Variants in GOLIM4 observed in about 807,000 individuals in gnomAD.
The protein encoded by GOLIM4 is golgi integral membrane protein 4.
Under a neutral mutation model 107.4 loss-of-function variants are expected in GOLIM4, and 71 were observed. That is an observed-to-expected ratio of 0.66 (90% confidence interval 0.55 to 0.81). GOLIM4 has a LOEUF of 0.81. Among genes scored for constraint, GOLIM4 ranks in the 30% least tolerant of loss-of-function variants. GOLIM4 has a pLI of 0.00. For missense variants in GOLIM4, 830 were observed against 826.1 expected (o/e 1.00, Z -0.06); for synonymous variants, 327 against 294.8 (o/e 1.11, Z -1.12).
At chr3:168,032,297 A>T (rs999722354) in intron 9 of GOLIM4, among the ~76,000 whole-genome samples, 1 of 152,224 alleles carries the variant, frequency 6.6e-6, no homozygotes, top group African/African-American at 2.4e-5. Flanking sequence ...AGAAGAATGC[A>T]CACATACAAC....
At position 168,095,709 on chromosome 3, in the gene GOLIM4, C is replaced by G. The variant is rs1321300305; in HGVS notation, c.-424G>C. On this transcript the variant is annotated 5_prime_UTR_variant, in exon 1 of 16. Coordinates refer to ENST00000470487, the MANE Select transcript of GOLIM4 (RefSeq NM_014498.5). ...TATCGCGGCGGCTCCCACTGCACGACTTTGTTGCCACCTAAGGGAGGGGGT... is the reference window on the plus strand; with the variant it reads ...TATCGCGGCGGCTCCCACTGCACGAGTTTGTTGCCACCTAAGGGAGGGGGT... 1.1e-5 allele frequency: 2 copies of G among 176,784 alleles called. No individual in the cohort carries two copies. Among genetic ancestry groups the G allele is most frequent in the African/African-American group, 4.8e-5 (2 of 41,654 alleles). The allele number at this position is 176,784 out of a possible 1,614,324, so 11.0% of individuals were successfully genotyped here. A position where few individuals can be genotyped will look rare whatever the true frequency, so the allele number is the denominator to read the frequency against.
intron 1 of GOLIM4, among the ~76,000 whole-genome samples, chr3:168,050,425 A>G (rs1719551261): frequency 6.6e-6 from 1 of 152,214 alleles, no homozygotes; most frequent in Non-Finnish European, 1.5e-5. Flanking sequence ...AGCCCTATAG[A>G]ACATCACGAA....
chr3:168,073,016 A>G (rs73878629), intron 1 of GOLIM4, among the ~76,000 whole-genome samples: 1 of 152,232 alleles, frequency 6.6e-6, no homozygotes, highest in Non-Finnish European at 1.5e-5. Flanking sequence ...CAGGCTTCCT[A>G]ATTTTTTTGT....
chr3:168,017,116 T>C (rs956745534), intron 14 of GOLIM4, among the ~76,000 whole-genome samples: 20 of 152,216 alleles, frequency 1.3e-4, no homozygotes, highest in African/African-American at 4.8e-4. Context: ...GTAGGACTTT[T>C]CTGTTTGAAT....
chr3:168,059,038 G>C (rs1221957741), intron 1 of GOLIM4, among the ~76,000 whole-genome samples: 2 of 152,116 alleles, frequency 1.3e-5, no homozygotes, highest in African/African-American at 2.4e-5. Context: ...GCAAACATGT[G>C]TAAGAATGCC....
rs573007256 is a variant in GOLIM4, at chr3:168,061,876, G to A, written c.188-13511C>T. On this transcript the variant is annotated intron_variant, in intron 1 of 15. Transcript: ENST00000470487. Reference sequence around the variant, plus strand: ...CCAGTGATGTTCTGATTCTCATGCTGGTGGTGTTCTGATTCTTGGTCTGAG... The same window carrying A: ...CCAGTGATGTTCTGATTCTCATGCTAGTGGTGTTCTGATTCTTGGTCTGAG... Among the ~76,000 whole-genome samples the A allele has an allele frequency of 2.0e-5, 3 of 152,230 alleles. No homozygotes were observed. In the South Asian group the frequency reaches 6.2e-4, roughly 32 times the overall value.
chr3:168,013,709 C>G (rs1249224568), intron 14 of GOLIM4, among the ~76,000 whole-genome samples: 1 of 151,736 alleles, frequency 6.6e-6, no homozygotes, highest in Admixed American at 6.6e-5. Context: ...ACAGTGCAAT[C>G]AAACTAGAAC....
At chr3:168,031,358 T>A (rs1718328008) in intron 9 of GOLIM4, among the ~76,000 whole-genome samples, 1 of 152,174 alleles carries the variant, frequency 6.6e-6, no homozygotes, top group African/African-American at 2.4e-5. Flanking sequence ...AAGAGATAAA[T>A]GTTTGATGTG....
chr3:168,057,891 T>C (rs1185996592), intron 1 of GOLIM4, among the ~76,000 whole-genome samples: 1 of 152,166 alleles, frequency 6.6e-6, no homozygotes, highest in Non-Finnish European at 1.5e-5. Flanking sequence ...AGAGATTTCA[T>C]TCTCTTCCAC....
chr3:168,031,864 C>T (rs1320771783), intron 9 of GOLIM4, among the ~76,000 whole-genome samples: 1 of 152,114 alleles, frequency 6.6e-6, no homozygotes, highest in Non-Finnish European at 1.5e-5. Flanking sequence ...CATCTAGCTG[C>T]ACTAACTGTT....
chr3:168,058,674 G>C (rs1560095759), intron 1 of GOLIM4, among the ~76,000 whole-genome samples: 1 of 152,160 alleles, frequency 6.6e-6, no homozygotes, highest in Non-Finnish European at 1.5e-5. Flanking sequence ...ATGACATAAT[G>C]AACTGCTGAG....
At chr3:168,080,874 T>A (rs1721328058) in intron 1 of GOLIM4, among the ~76,000 whole-genome samples, 1 of 152,232 alleles carries the variant, frequency 6.6e-6, no homozygotes. Context: ...CATACCTATA[T>A]GCTGGTATGT....
chr3:168,030,083 T>C (rs367764089), intron 9 of GOLIM4, 47 bp from the exon 10 acceptor site: 73 of 1,581,762 alleles, frequency 4.6e-5, no homozygotes, highest in Non-Finnish European at 6.0e-5. Context: ...TTAGCTCCTC[T>C]GGGTTTTCTC....
chr3:168,090,322 C>T (rs1173512193), intron 1 of GOLIM4, among the ~76,000 whole-genome samples: 1 of 146,872 alleles, frequency 6.8e-6, no homozygotes, highest in Non-Finnish European at 1.5e-5. Context: ...ACTCAAGCAG[C>T]TTGACAAGAA....
intron 1 of GOLIM4, among the ~76,000 whole-genome samples, chr3:168,089,240 T>A (rs1721777928): frequency 6.6e-6 from 1 of 152,238 alleles, no homozygotes; most frequent in Admixed American, 6.5e-5. Context: ...AGTCTCTTCA[T>A]TTAACTCTAA....
rs534465111 is a variant in GOLIM4, at chr3:168,027,771, C to G, written c.1580G>C (p.Arg527Pro). 3 of 1,613,402 alleles carry G rather than the reference C, an allele frequency of 1.9e-6. No individual in the cohort carries two copies. Among genetic ancestry groups the G allele is most frequent in the Non-Finnish European group, 2.5e-6 (3 of 1,179,442 alleles). ...EGDPGNRHEP[R>P]EQGPREADPE... ...GTCGGCTTCTCGGGGTCCTTGTTCA[C>G]GAGGCTCATGTCTATTACCTGGATC... Residue 527 changes from arginine (R) to proline (P), a missense_variant, in exon 12 of 16, where the codon CGT becomes CCT. Arg to Pro is a moderately radical substitution (Grantham distance 103, BLOSUM62 -2). Coordinates refer to ENST00000470487, the MANE Select transcript of GOLIM4 (RefSeq NM_014498.5).
intron 11 of GOLIM4, 84 bp downstream of exon 11, chr3:168,029,139 T>A: frequency 2.3e-6 from 2 of 866,916 alleles, no homozygotes; most frequent in Non-Finnish European, 3.8e-6. Context: ...AGCTCATTGA[T>A]GTTATATAAT....
chr3:168,041,600 T>TA (rs1228668881), intron 5 of GOLIM4, 126 bp from the exon 6 acceptor site: 1 of 570,572 alleles, frequency 1.8e-6, no homozygotes, highest in Non-Finnish European at 3.1e-6. Context: ...GACAATATAA[T>TA]ATTCAAAATC....
chr3:168,039,821 C>G (rs2108241824), intron 7 of GOLIM4, among the ~76,000 whole-genome samples: 1 of 152,184 alleles, frequency 6.6e-6, no homozygotes, highest in South Asian at 2.1e-4. Context: ...ATGAAATGAT[C>G]CCTGACGTCA....
Sources: gnomAD v4.1 joint callset for allele counts (sites outside exome capture counted in the v4.1 genomes callset) on GRCh38, gnomAD v4.1.1 for gene constraint, MANE v1.5 for transcripts, NCBI Gene and HGNC (gene_info 2026-07-23, HGNC 2026-07-21) for gene names.